Variants in MAML2 observed in about 807,000 individuals in gnomAD.
MAML2 encodes mastermind-like protein 2.
MAML2 carries 22 observed loss-of-function variants against 96.1 expected under a neutral mutation model. The ratio of observed to expected loss-of-function variants is 0.23; its 90% confidence interval spans 0.16 to 0.33. The LOEUF is 0.33. Among genes scored for constraint, MAML2 ranks in the 10% least tolerant of loss-of-function variants. The pLI is 1.00. For synonymous variants in MAML2, 561 were observed against 521.3 expected, an observed-to-expected ratio of 1.08 and a Z score of -1.04; for missense variants, 1,367 against 1,392.4, an observed-to-expected ratio of 0.98 and a Z score of 0.29.
chr11:96,204,403 ATT>A (rs1565247871), intron 1 of MAML2, among the ~76,000 whole-genome samples: 5 of 152,228 alleles, frequency 3.3e-5, no homozygotes, highest in African/African-American at 1.2e-4. Flanking sequence ...AGTAATGTGC[ATT>A]GATTCAGGCA....
chr11:96,271,368 G>A (rs1248310012), intron 1 of MAML2, among the ~76,000 whole-genome samples: 2 of 152,182 alleles, frequency 1.3e-5, no homozygotes, highest in Admixed American at 1.3e-4. Context: ...GGGTGTGATT[G>A]TGTTTTGAAG....
chr11:96,118,561 CA>C (rs113886264), intron 1 of MAML2, among the ~76,000 whole-genome samples: 27,004 of 152,074 alleles, frequency 0.18, 2,700 homozygotes, highest in Middle Eastern at 0.26. Context: ...GTGTTTATAG[CA>C]GTGTGAAAAT....
At chr11:96,178,684 T>C (rs953319834) in intron 1 of MAML2, among the ~76,000 whole-genome samples, 1 of 152,188 alleles carries the variant, frequency 6.6e-6, no homozygotes, top group Non-Finnish European at 1.5e-5. Flanking sequence ...CATAAAAACA[T>C]ACGCAGCTGC....
At chr11:96,029,164 GTT>G (rs35004085) in intron 2 of MAML2, among the ~76,000 whole-genome samples, 4,500 of 141,564 alleles carry the variant, frequency 0.032, 193 homozygotes, top group African/African-American at 0.095. Context: ...GAGTGAAACG[GTT>G]TTTTTTTTTT....
intron 3 of MAML2, among the ~76,000 whole-genome samples, chr11:95,986,886 A>G (rs1308657333): frequency 6.6e-6 from 1 of 152,110 alleles, no homozygotes; most frequent in Non-Finnish European, 1.5e-5. Flanking sequence ...TGACTTTGGA[A>G]GCTAAGAGAA....
intron 1 of MAML2, among the ~76,000 whole-genome samples, chr11:96,228,076 T>C (rs1293618035): frequency 1.3e-5 from 2 of 152,132 alleles, no homozygotes; most frequent in Non-Finnish European, 2.9e-5. Context: ...CACTCCAGCC[T>C]GGGGGGAGAA....
chr11:96,206,493 G>C lies in MAML2; in HGVS notation c.514-112976C>G, dbSNP rs145241368. ...TGTACCTGTAATCCTAGCCACTCAGGAGCCTGAGGCAGGAGAATCGCTTGA... is the reference window on the plus strand; with the variant it reads ...TGTACCTGTAATCCTAGCCACTCAGCAGCCTGAGGCAGGAGAATCGCTTGA... On this transcript the variant is annotated intron_variant, in intron 1 of 4. Transcript: ENST00000524717. Among the ~76,000 whole-genome samples, 140 of 152,298 alleles carry C rather than the reference G, an allele frequency of 9.2e-4. 5 individuals carry two copies. The East Asian group carries it at 0.026, about 28-fold the overall frequency.
Position 96,321,883 on chromosome 11 carries a change from A to AT in MAML2, c.513+19499dup, listed in dbSNP as rs1013719194. Among the ~76,000 whole-genome samples, 6 of 152,168 alleles carry AT rather than the reference A, an allele frequency of 3.9e-5. No homozygotes were observed. In the East Asian group the frequency reaches 5.8e-4, roughly 15 times the overall value. ...TGGACCATCAAACAACTAAATGCCA[A>AT]TTTTTTTTAAAGATCATGAACAGTT... is the stretch of plus-strand genomic sequence containing the variant. On this transcript the variant is annotated intron_variant, in intron 1 of 4. Coordinates refer to ENST00000524717, the MANE Select transcript of MAML2 (RefSeq NM_032427.4).
intron 1 of MAML2, among the ~76,000 whole-genome samples, chr11:96,146,420 C>T (rs781138669): frequency 4.4e-4 from 67 of 152,122 alleles, no homozygotes; most frequent in Non-Finnish European, 1.8e-4. Context: ...TTGCTATTAG[C>T]AGTGAATCGG....
chr11:96,059,716 C>T (rs528683545), intron 2 of MAML2, among the ~76,000 whole-genome samples: 1 of 152,062 alleles, frequency 6.6e-6, no homozygotes, highest in South Asian at 2.1e-4. Context: ...AACATCATGT[C>T]GGCACTCAAA....
chr11:96,248,658 C>G lies in MAML2; in HGVS notation c.513+92725G>C, dbSNP rs557394048. On this transcript the variant is annotated intron_variant, in intron 1 of 4. Transcript: ENST00000524717. ...TAATTGGATCATTCTCATCTGCATA[C>G]AAACATGCCACTGTATTTTTTATTT... is the stretch of plus-strand genomic sequence containing the variant. Among the ~76,000 whole-genome samples, 11 of 152,232 alleles carry G rather than the reference C, an allele frequency of 7.2e-5. No homozygotes were observed. The East Asian group carries it at 9.6e-4, about 13-fold the overall frequency.
At chr11:96,034,517 T>C (rs1259680699) in intron 2 of MAML2, among the ~76,000 whole-genome samples, 1 of 151,954 alleles carries the variant, frequency 6.6e-6, no homozygotes, top group Non-Finnish European at 1.5e-5. Flanking sequence ...TTGTTATTTA[T>C]GAAACCACAT....
At chr11:96,263,600 C>T (rs1259718538) in intron 1 of MAML2, among the ~76,000 whole-genome samples, 2 of 152,204 alleles carry the variant, frequency 1.3e-5, no homozygotes, top group Non-Finnish European at 2.9e-5. Context: ...TAATGACATA[C>T]ATTTATCCAA....
rs193192005 is a variant in MAML2, at chr11:96,318,873, T to A, written c.513+22510A>T. On this transcript the variant is annotated intron_variant, in intron 1 of 4. Transcript: ENST00000524717. The stretch of plus-strand genomic sequence containing the variant: ...CAACACAGAAGAGGACATGGTAACC[T>A]GGGCTATTGGCCAATGTTTATTCAT... Among the ~76,000 whole-genome samples, 8 of 152,376 alleles carry A rather than the reference T, an allele frequency of 5.3e-5. 1 individual carries two copies. Among genetic ancestry groups the A allele is most frequent in the Admixed American group, 5.2e-4 (8 of 15,308 alleles).
chr11:96,189,942 G>A lies in MAML2; in HGVS notation c.514-96425C>T, dbSNP rs377520862. Among the ~76,000 whole-genome samples the A allele has an allele frequency of 4.8e-4, 73 of 152,198 alleles. 1 individual carries two copies. Among genetic ancestry groups the A allele is most frequent in the African/African-American group, 1.7e-3 (70 of 41,520 alleles). On this transcript the variant is annotated intron_variant, in intron 1 of 4. Transcript: ENST00000524717. Reference sequence around the variant, plus strand: ...AGCCAAAGAATCTAGGATTGTATATGGCTGAAGTTAAAAGTAGGTGTCACT... The same window carrying A: ...AGCCAAAGAATCTAGGATTGTATATAGCTGAAGTTAAAAGTAGGTGTCACT...
intron 1 of MAML2, among the ~76,000 whole-genome samples, chr11:96,225,196 T>G (rs991721784): frequency 6.6e-6 from 1 of 152,212 alleles, no homozygotes; most frequent in Middle Eastern, 3.2e-3. Context: ...GAAGGAAGTA[T>G]GGTGTGCAAC....
chr11:96,142,160 T>A (rs1215322746), intron 1 of MAML2, among the ~76,000 whole-genome samples: 1 of 152,188 alleles, frequency 6.6e-6, no homozygotes, highest in East Asian at 1.9e-4. Context: ...CAAGCACATA[T>A]GAGGGGCACC....
intron 1 of MAML2, among the ~76,000 whole-genome samples, chr11:96,270,391 C>A (rs908237317): frequency 6.6e-6 from 1 of 152,134 alleles, no homozygotes; most frequent in African/African-American, 2.4e-5. Context: ...CTCACTGCAA[C>A]CTTTGCCTCC....
chr11:96,273,485 CT>C (rs1012555455), intron 1 of MAML2, among the ~76,000 whole-genome samples: 40 of 152,210 alleles, frequency 2.6e-4, no homozygotes, highest in African/African-American at 9.4e-4. Context: ...AATTTTGGAA[CT>C]TTTTTTCTTC....
Sources: allele counts gnomAD v4.1 joint callset (sites outside exome capture counted in the v4.1 genomes callset), GRCh38; gene constraint gnomAD v4.1.1; transcripts MANE v1.5; gene names NCBI Gene and HGNC (gene_info 2026-07-23, HGNC 2026-07-21).